Variants in CCDC134 observed in about 807,000 individuals in gnomAD.
CCDC134 encodes the protein coiled-coil domain-containing protein 134.
Under a neutral mutation model 25.6 loss-of-function variants are expected in CCDC134, and 27 were observed. The observed-to-expected ratio is 1.05, with a 90% CI of 0.78 to 1.45. CCDC134 has a LOEUF of 1.45. CCDC134 is among the 40% of genes most tolerant of loss of function. The probability of loss-of-function intolerance (pLI) is 0.00; values close to 1 mark genes in which losing one functional copy is unlikely to be tolerated. For synonymous variants in CCDC134, 110 were observed against 115.0 expected (o/e 0.96, Z 0.28); for missense variants, 261 against 286.7 (o/e 0.91, Z 0.65).
In CCDC134 at chr22:41,813,310, G is replaced by A. The variant is rs145351011; in HGVS notation, c.357G>A (p.Val119=). The A allele has an allele frequency of 3.1e-6, 5 of 1,614,070 alleles. No individual in the cohort carries two copies. The highest frequency in any genetic ancestry group is 2.7e-5 in the African/African-American group (2 of 74,920). ...VENTAFFGDV[V]LRFPRIVHYY... ...ACACGGCCTTCTTCGGCGATGTGGT[G>A]CTGCGCTTCCCGAGGATTGTGCACT... The change falls in exon 5 of 7, where the codon GTG becomes GTA. Residue 119 remains valine (V), a synonymous_variant. Transcript: ENST00000255784.
intron 1 of CCDC134, among the ~76,000 whole-genome samples, chr22:41,804,284 T>G (rs1002363797): frequency 2.0e-5 from 3 of 152,214 alleles, no homozygotes; most frequent in African/African-American, 7.2e-5. Context: ...TTTGGTGAAC[T>G]TCCTGTGTGA....
At chr22:41,817,608 T>C (rs1323810098) in intron 6 of CCDC134, among the ~76,000 whole-genome samples, 1 of 152,008 alleles carries the variant, frequency 6.6e-6, no homozygotes, top group Non-Finnish European at 1.5e-5. Flanking sequence ...GACGCATGCC[T>C]GTAGTCCCAG....
At chr22:41,817,329 T>G (rs1259986534) in intron 6 of CCDC134, among the ~76,000 whole-genome samples, 2 of 152,194 alleles carry the variant, frequency 1.3e-5, no homozygotes, top group East Asian at 3.8e-4. Context: ...TTTGACTCCA[T>G]TTGGTCTTTT....
chr22:41,811,401 C>T (rs568353419), intron 4 of CCDC134, among the ~76,000 whole-genome samples: 1 of 152,280 alleles, frequency 6.6e-6, no homozygotes, highest in South Asian at 2.1e-4. Flanking sequence ...TGTTGTTTTG[C>T]AGACGACAAT....
chr22:41,819,998 T>TATATATATATATAA (rs1556020965), intron 6 of CCDC134, among the ~76,000 whole-genome samples: 2 of 130,064 alleles, frequency 1.5e-5, no homozygotes, highest in African/African-American at 6.1e-5. Flanking sequence ...TATATATATA[T>TATATATATATATAA]AATTTTTTTT....
chr22:41,815,820 T>A (rs1005049421), intron 6 of CCDC134, among the ~76,000 whole-genome samples: 1 of 152,058 alleles, frequency 6.6e-6, no homozygotes, highest in African/African-American at 2.4e-5. Flanking sequence ...CTAATTAATT[T>A]ATTATTTTTT....
chr22:41,817,006 T>TAC (rs199581099), intron 6 of CCDC134, among the ~76,000 whole-genome samples: 2,614 of 152,340 alleles, frequency 0.017, 74 homozygotes, highest in African/African-American at 0.059. Flanking sequence ...CACTTAGATC[T>TAC]TTCATTCAGA....
In CCDC134 at chr22:41,817,887, CA is replaced by C. The variant is rs200120202; in HGVS notation, c.564+4067del. On this transcript the variant is annotated intron_variant, in intron 6 of 6. Transcript: ENST00000255784. ...CTGTTAGGAAGGAGTGTCATCCAAGCAAGGGTGATACCTTTTAATTCAGGCC... is the reference window on the plus strand; with the variant it reads ...CTGTTAGGAAGGAGTGTCATCCAAGCAGGGTGATACCTTTTAATTCAGGCC... Among the ~76,000 whole-genome samples, 740 of 152,260 alleles carry C rather than the reference CA, an allele frequency of 4.9e-3. 3 individuals are homozygous for C. Among genetic ancestry groups the C allele is most frequent in the African/African-American group, 0.017 (701 of 41,552 alleles).
At chr22:41,819,365 TTC>T (rs913099899) in intron 6 of CCDC134, among the ~76,000 whole-genome samples, 15 of 152,282 alleles carry the variant, frequency 9.9e-5, no homozygotes, top group African/African-American at 2.9e-4. Context: ...AGAAGCATAA[TTC>T]TCTGAGGCGA....
intron 6 of CCDC134, among the ~76,000 whole-genome samples, chr22:41,817,356 T>C (rs1458269561): frequency 6.6e-6 from 1 of 152,216 alleles, no homozygotes; most frequent in Non-Finnish European, 1.5e-5. Flanking sequence ...TTGAGCTTTA[T>C]GATGGGCATC....
intron 6 of CCDC134, among the ~76,000 whole-genome samples, chr22:41,822,409 G>C (rs889464174): frequency 6.6e-6 from 1 of 152,130 alleles, no homozygotes. Flanking sequence ...AAATACATGT[G>C]GTCTGCCTCT....
chr22:41,813,314 C>T lies in CCDC134; in HGVS notation c.361C>T (p.Arg121Cys), dbSNP rs768057684. 33 of 1,614,036 alleles carry T rather than the reference C, an allele frequency of 2.0e-5. No homozygotes were observed. Among genetic ancestry groups the T allele is most frequent in the East Asian group, 1.8e-4 (8 of 44,888 alleles). ...GGCCTTCTTCGGCGATGTGGTGCTG[C>T]GCTTCCCGAGGATTGTGCACTATTA... ...NTAFFGDVVL[R>C]FPRIVHYYFD... Residue 121 changes from arginine (R) to cysteine (C), a missense_variant, in exon 5 of 7, where the codon CGC (arginine) becomes TGC (cysteine). Coordinates refer to ENST00000255784, the MANE Select transcript of CCDC134 (RefSeq NM_024821.5).
intron 6 of CCDC134, among the ~76,000 whole-genome samples, chr22:41,817,953 T>C (rs1297353685): frequency 6.6e-6 from 1 of 152,126 alleles, no homozygotes. Flanking sequence ...TCAGCCAGCA[T>C]TGTTACTGGG....
chr22:41,804,007 C>T (rs1489868143), intron 1 of CCDC134, among the ~76,000 whole-genome samples: 1 of 151,884 alleles, frequency 6.6e-6, no homozygotes, highest in Non-Finnish European at 1.5e-5. Flanking sequence ...GTGGCGGGCA[C>T]CTGTAGTCCT....
chr22:41,809,031 G>A (rs1166872210), intron 2 of CCDC134, 38 bp downstream of exon 2: 1 of 1,521,640 alleles, frequency 6.6e-7, no homozygotes, highest in South Asian at 1.1e-5. Context: ...CTGTCTTTGA[G>A]AGGTCTATAA....
At position 41,831,934 on chromosome 22, in the gene CCDC134, A is replaced by G. The variant is rs1038861404; in HGVS notation, c.*6111A>G. The G allele has an allele frequency of 6.6e-6, 1 of 152,160 alleles. No homozygotes were observed. The highest frequency in any genetic ancestry group is 6.5e-5 in the Admixed American group (1 of 15,270). The allele number at this position is 152,160 out of a possible 1,614,324, so 9.4% of individuals were successfully genotyped here. A position where few individuals can be genotyped will look rare whatever the true frequency, so the allele number is the denominator to read the frequency against. On this transcript the variant is annotated 3_prime_UTR_variant, in exon 7 of 7. Transcript: ENST00000255784. ...CTTAACCACAGCTATGAGGGATGCTATTTTATCCCCATTTTAGAGATGACT... is the reference window on the plus strand; with the variant it reads ...CTTAACCACAGCTATGAGGGATGCTGTTTTATCCCCATTTTAGAGATGACT...
chr22:41,813,679 T>C (rs2076608688), intron 5 of CCDC134, 72 bp from the exon 6 acceptor site: 1 of 1,490,850 alleles, frequency 6.7e-7, no homozygotes, highest in East Asian at 2.3e-5. Context: ...GGTCCCAGCA[T>C]GGAAGGAATG....
At position 41,828,091 on chromosome 22, in the gene CCDC134, T is replaced by C. The variant is rs188106617; in HGVS notation, c.*2268T>C. ...TGGAGGTTCTTTCTACTGAATAACT[T>C]CTACGGGCTCTGTCATTAGCAGGAT... On this transcript the variant is annotated 3_prime_UTR_variant, in exon 7 of 7. Transcript: ENST00000255784. Among the ~76,000 whole-genome samples the C allele has an allele frequency of 1.6e-3, 251 of 152,312 alleles. No homozygotes were observed. Among genetic ancestry groups the C allele is most frequent in the African/African-American group, 5.5e-3 (228 of 41,546 alleles).
At chr22:41,810,522 A>G (rs374625538) in intron 4 of CCDC134, among the ~76,000 whole-genome samples, 144 of 121,640 alleles carry the variant, frequency 1.2e-3, no homozygotes, top group African/African-American at 4.5e-3. Context: ...TTTGAGACAG[A>G]GTCTCACTCT....
Sources: gnomAD v4.1 joint callset for allele counts (sites outside exome capture counted in the v4.1 genomes callset) on GRCh38, gnomAD v4.1.1 for gene constraint, MANE v1.5 for transcripts, NCBI Gene and HGNC (gene_info 2026-07-23, HGNC 2026-07-21) for gene names.